TMPRSS15: variants seen among roughly 807,000 people sequenced by gnomAD.
The protein encoded by TMPRSS15 is transmembrane serine protease 15, also known as enteropeptidase.
TMPRSS15 carries 128 observed loss-of-function variants against 125.3 expected under a neutral mutation model. The ratio of observed to expected loss-of-function variants is 1.02; its 90% CI spans 0.89 to 1.18. The LOEUF (loss-of-function observed/expected upper bound fraction) is 1.18, where lower values mean the gene tolerates loss of function less well. Ranked by LOEUF, TMPRSS15 falls within the 50% of genes most tolerant of loss-of-function variation. The pLI, the probability that TMPRSS15 is intolerant of heterozygous loss-of-function variation, is 0.00. For synonymous variants in TMPRSS15, 446 were observed against 423.2 expected, an observed-to-expected ratio of 1.05 and a Z score of -0.66; for missense variants, 1,283 against 1,212.7, an observed-to-expected ratio of 1.06 and a Z score of -0.86.
intron 21 of TMPRSS15, among the ~76,000 whole-genome samples, chr21:18,286,589 C>G (rs150114197): frequency 6.6e-6 from 1 of 152,314 alleles, no homozygotes; most frequent in East Asian, 1.9e-4. Context: ...TTAATAAATG[C>G]AGATGACTCT....
intron 19 of TMPRSS15, among the ~76,000 whole-genome samples, chr21:18,295,770 C>A (rs746124674): frequency 6.6e-6 from 1 of 152,146 alleles, no homozygotes; most frequent in Non-Finnish European, 1.5e-5. Flanking sequence ...ATTTCTAACA[C>A]CCCAAGGAAG....
intron 1 of TMPRSS15, among the ~76,000 whole-genome samples, chr21:18,428,446 T>A (rs1389531850): frequency 6.6e-6 from 1 of 152,160 alleles, no homozygotes; most frequent in African/African-American, 2.4e-5. Context: ...CTCCAGGGCA[T>A]GTCAGAGGTC....
At chr21:18,442,569 A>C (rs2076244736) in intron 1 of TMPRSS15, among the ~76,000 whole-genome samples, 1 of 152,138 alleles carries the variant, frequency 6.6e-6, no homozygotes, top group Non-Finnish European at 1.5e-5. Context: ...TTAGGAGAAA[A>C]AACTCCCTTG....
intron 5 of TMPRSS15, among the ~76,000 whole-genome samples, chr21:18,377,375 T>C (rs1259696408): frequency 1.3e-5 from 2 of 152,102 alleles, no homozygotes; most frequent in East Asian, 3.9e-4. Context: ...AGTTGTTTTG[T>C]TCAATTCTGT....
At position 18,282,097 on chromosome 21, in the gene TMPRSS15, CAAAAAAAAAAA is replaced by C. The variant is rs954911028; in HGVS notation, c.2487-887_2487-877del. On this transcript the variant is annotated intron_variant, in intron 21 of 24. Coordinates refer to ENST00000284885, the MANE Select transcript of TMPRSS15 (RefSeq NM_002772.3). ...TGGGAGACAAAGCAAGACTCCGCCTCAAAAAAAAAAAAAAAAAAAAAAAAAAAAGTAAACAG... is the reference window on the plus strand; with the variant it reads ...TGGGAGACAAAGCAAGACTCCGCCTCAAAAAAAAAAAAAAAAAGTAAACAG... 2.4e-4 allele frequency among the ~76,000 whole-genome samples: 6 copies of C among 24,960 alleles called. 1 individual carries two copies. Among genetic ancestry groups the C allele is most frequent in the Admixed American group, 5.5e-4 (1 of 1,812 alleles). 16.4% of individuals were successfully genotyped at this position (24,960 alleles called of 152,430 possible).
rs1005975440 is a variant in TMPRSS15 at position 18,284,926 on chromosome 21, G to C, written c.2487-3705C>G. Among the ~76,000 whole-genome samples, 6 of 152,052 alleles carry C rather than the reference G, an allele frequency of 3.9e-5. No homozygotes were observed. In the East Asian group the frequency reaches 7.8e-4, roughly 20 times the overall value. On this transcript the variant is annotated intron_variant, in intron 21 of 24. Transcript: ENST00000284885. ...TGGGGCAGGAGAATTGCTTGAACCCGGGAGGCAGAGGTTCCAGGGAGCTGA... is the reference window on the plus strand; with the variant it reads ...TGGGGCAGGAGAATTGCTTGAACCCCGGAGGCAGAGGTTCCAGGGAGCTGA...
intron 12 of TMPRSS15, among the ~76,000 whole-genome samples, chr21:18,342,457 T>C (rs149036851): frequency 1.3e-5 from 2 of 152,308 alleles, no homozygotes; most frequent in Non-Finnish European, 2.9e-5. Flanking sequence ...CACAACAAAA[T>C]GGCAAAGCCA....
intron 1 of TMPRSS15, among the ~76,000 whole-genome samples, chr21:18,443,573 C>T (rs191880975): frequency 3.2e-4 from 48 of 152,350 alleles, no homozygotes; most frequent in African/African-American, 9.6e-4. Context: ...GGAACCTCTA[C>T]AAGCCTTGTG....
intron 1 of TMPRSS15, among the ~76,000 whole-genome samples, chr21:18,425,118 G>A (rs1163421943): frequency 6.6e-6 from 1 of 151,728 alleles, no homozygotes; most frequent in African/African-American, 2.4e-5. Flanking sequence ...TAGTAAAGAA[G>A]TGAAAATTTA....
At chr21:18,332,259 C>T (rs2075353217) in intron 13 of TMPRSS15, 86 bp from the exon 14 acceptor site, 6 of 1,210,906 alleles carry the variant, frequency 5.0e-6, no homozygotes, top group South Asian at 3.7e-5. Flanking sequence ...TTTTCAATTA[C>T]ATTTCTTAGA....
chr21:18,279,490 T>C (rs2074666078), intron 22 of TMPRSS15, among the ~76,000 whole-genome samples: 1 of 150,730 alleles, frequency 6.6e-6, no homozygotes, highest in African/African-American at 2.4e-5. Flanking sequence ...CACGCCTGGC[T>C]AATTTTTTTG....
intron 1 of TMPRSS15, among the ~76,000 whole-genome samples, chr21:18,438,254 C>T (rs1376111724): frequency 6.9e-6 from 1 of 144,010 alleles, no homozygotes; most frequent in Non-Finnish European, 1.5e-5. Context: ...CATATTCTCA[C>T]TCATAGATGG....
chr21:18,280,580 A>G (rs1306369223), intron 22 of TMPRSS15, among the ~76,000 whole-genome samples: 4 of 147,654 alleles, frequency 2.7e-5, no homozygotes, highest in Non-Finnish European at 5.9e-5. Context: ...CGTCTCAAAA[A>G]AAAAAAAAAA....
chr21:18,297,394 C>T (rs1017551233), intron 19 of TMPRSS15, among the ~76,000 whole-genome samples: 1 of 152,054 alleles, frequency 6.6e-6, no homozygotes, highest in African/African-American at 2.4e-5. Context: ...CCTGTTTTAT[C>T]CCAGTTCTCA....
intron 24 of TMPRSS15, among the ~76,000 whole-genome samples, chr21:18,272,515 G>A (rs1348871531): frequency 6.6e-6 from 1 of 152,088 alleles, no homozygotes; most frequent in African/African-American, 2.4e-5. Context: ...CCTGAGATCA[G>A]GAGTTCGAGA....
intron 21 of TMPRSS15, among the ~76,000 whole-genome samples, chr21:18,282,767 TTATC>T (rs2074716694): frequency 6.6e-6 from 1 of 152,142 alleles, no homozygotes; most frequent in Non-Finnish European, 1.5e-5. Context: ...TAGGCGCTGA[TTATC>T]TAAATGGTAG....
intron 10 of TMPRSS15, among the ~76,000 whole-genome samples, chr21:18,352,362 C>T (rs533365497): frequency 6.6e-6 from 1 of 152,160 alleles, no homozygotes; most frequent in African/African-American, 2.4e-5. Flanking sequence ...TTCCATAGGG[C>T]TTCTCAGAAG....
chr21:18,449,109 A>G (rs533584772), intron 1 of TMPRSS15, among the ~76,000 whole-genome samples: 46 of 152,290 alleles, frequency 3.0e-4, no homozygotes, highest in African/African-American at 1.1e-3. Flanking sequence ...GCTGTTGCTC[A>G]TTTTGTTCTT....
chr21:18,289,447 G>A (rs1279039146), intron 21 of TMPRSS15, among the ~76,000 whole-genome samples: 5 of 152,170 alleles, frequency 3.3e-5, no homozygotes, highest in Non-Finnish European at 5.9e-5. Context: ...GGGAGGCGGA[G>A]GTTGCAGTGA....
Sources: gnomAD v4.1 joint callset for allele counts (sites outside exome capture counted in the v4.1 genomes callset) on GRCh38, gnomAD v4.1.1 for gene constraint, MANE v1.5 for transcripts, NCBI Gene and HGNC (gene_info 2026-07-23, HGNC 2026-07-21) for gene names.